COL24A1: variants seen among roughly 807,000 people sequenced by gnomAD.
COL24A1 encodes collagen alpha-1(XXIV) chain.
COL24A1 carries 224 observed loss-of-function variants against 253.9 expected under a neutral mutation model. That is an observed-to-expected ratio of 0.88 (90% CI 0.79 to 0.99). The LOEUF is 0.99. Ranked by LOEUF, COL24A1 falls within the 50% of genes least tolerant of loss-of-function variation. COL24A1 has a pLI of 0.00. For synonymous variants in COL24A1, 685 were observed against 673.7 expected, an observed-to-expected ratio of 1.02 and a Z score of -0.26; for missense variants, 2,131 against 2,068.5, an observed-to-expected ratio of 1.03 and a Z score of -0.59.
intron 47 of COL24A1, among the ~76,000 whole-genome samples, chr1:85,807,813 T>A (rs1275610767): frequency 3.3e-5 from 5 of 152,210 alleles, no homozygotes; most frequent in African/African-American, 1.2e-4. Context: ...GGTCATTTAC[T>A]AGGTGACTGA....
intron 25 of COL24A1, among the ~76,000 whole-genome samples, chr1:85,910,559 A>C (rs528779471): frequency 6.6e-6 from 1 of 152,106 alleles, no homozygotes; most frequent in South Asian, 2.1e-4. Flanking sequence ...AGTACAGAAG[A>C]TTTAACTCAG....
chr1:85,777,085 G>C (rs1668621702), intron 52 of COL24A1, among the ~76,000 whole-genome samples: 1 of 151,882 alleles, frequency 6.6e-6, no homozygotes, highest in South Asian at 2.1e-4. Context: ...GAGTAGCTGG[G>C]ACTACAGGAG....
intron 32 of COL24A1, among the ~76,000 whole-genome samples, chr1:85,879,504 A>G (rs1681580616): frequency 6.6e-6 from 1 of 152,160 alleles, no homozygotes; most frequent in South Asian, 2.1e-4. Context: ...CGACACTTAA[A>G]ACAACATAAG....
intron 32 of COL24A1, among the ~76,000 whole-genome samples, chr1:85,878,162 C>T (rs1443378953): frequency 6.6e-6 from 1 of 152,100 alleles, no homozygotes; most frequent in Non-Finnish European, 1.5e-5. Context: ...GATTCTATAA[C>T]AAAATAGTAT....
rs1301399227 is a variant in COL24A1, at chr1:86,156,352, G to C, written c.45C>G (p.Pro15=). The change falls in exon 1 of 60, where the codon CCC becomes CCG. Residue 15 remains proline (P), a synonymous_variant. Coordinates refer to ENST00000370571, the MANE Select transcript of COL24A1 (RefSeq NM_152890.7). ...AHRTRRGKVS[P]TAKTKSLLHF... ...GGTGGGCTACTTACGTTTTTGCCGT[G>C]GGGGAGACTTTTCCACGCCTTGTTC... 6.2e-7 allele frequency: 1 copy of C among 1,612,552 alleles called. No individual in the cohort carries two copies. The highest frequency in any genetic ancestry group is 2.2e-5 in the East Asian group (1 of 44,806).
At position 85,745,508 on chromosome 1, in the gene COL24A1, T is replaced by G; in HGVS notation, c.4438-2A>C. On this transcript the variant is annotated splice_acceptor_variant, in intron 55 of 59. Transcript: ENST00000370571. LOFTEE classifies it high-confidence loss of function. ...AGCAGCATTGATATCCATTTGCTTC[T>G]GTGTAAAACAAAACCATTTGAGATT... 6.2e-7 allele frequency: 1 copy of G among 1,608,208 alleles called. No individual in the cohort carries two copies. Among genetic ancestry groups the G allele is most frequent in the Non-Finnish European group, 8.5e-7 (1 of 1,177,646 alleles).
At chr1:85,896,095 G>C in intron 29 of COL24A1, 30 bp from the exon 30 acceptor site, 1 of 1,604,588 alleles carries the variant, frequency 6.2e-7, no homozygotes, top group Non-Finnish European at 8.5e-7. Context: ...AGGTGAGTTA[G>C]TAAGAATGTG....
intron 18 of COL24A1, 84 bp from the exon 19 acceptor site, chr1:86,017,288 T>A: frequency 8.7e-7 from 1 of 1,144,394 alleles, no homozygotes; most frequent in Non-Finnish European, 1.2e-6. Flanking sequence ...GGTAAACAAA[T>A]AGCAGTCAGT....
In COL24A1 at chr1:86,022,607, T is replaced by G; in HGVS notation, c.2149-16A>C. On this transcript the variant is annotated splice_polypyrimidine_tract_variant and intron_variant, in intron 16 of 59. Coordinates refer to ENST00000370571, the MANE Select transcript of COL24A1 (RefSeq NM_152890.7). ...CTTGTTCACCCTGGAAAGCACAATTTCATGCAAAGATACTTATGTATCACA... is the reference window on the plus strand; with the variant it reads ...CTTGTTCACCCTGGAAAGCACAATTGCATGCAAAGATACTTATGTATCACA... 1 of 1,609,014 alleles carries G rather than the reference T, an allele frequency of 6.2e-7. No homozygotes were observed. Among genetic ancestry groups the G allele is most frequent in the Non-Finnish European group, 8.5e-7 (1 of 1,177,950 alleles).
chr1:85,771,778 T>TTTTATTTA (rs200015208), intron 53 of COL24A1, among the ~76,000 whole-genome samples: 32,815 of 146,386 alleles, frequency 0.22, 3,927 homozygotes, highest in Admixed American at 0.27. Context: ...TGCCTGACTT[T>TTTTATTTA]TTTATTTATT....
chr1:85,924,508 G>T (rs1299179041), intron 24 of COL24A1, among the ~76,000 whole-genome samples: 3 of 152,140 alleles, frequency 2.0e-5, no homozygotes, highest in Non-Finnish European at 4.4e-5. Flanking sequence ...ATGCAAGGCT[G>T]GTTCAACATA....
At chr1:85,763,562 G>C (rs1295724443) in intron 53 of COL24A1, among the ~76,000 whole-genome samples, 1 of 148,952 alleles carries the variant, frequency 6.7e-6, no homozygotes, top group African/African-American at 2.5e-5. Context: ...TGCGATCTCG[G>C]CTCACTGCAA....
chr1:85,921,884 T>C (rs886591845), intron 24 of COL24A1, among the ~76,000 whole-genome samples: 3 of 152,154 alleles, frequency 2.0e-5, no homozygotes, highest in Non-Finnish European at 4.4e-5. Flanking sequence ...TAAAGGAGGA[T>C]GTTGGAACTC....
intron 4 of COL24A1, among the ~76,000 whole-genome samples, chr1:86,114,505 G>A (rs1486082541): frequency 6.6e-6 from 1 of 152,084 alleles, no homozygotes; most frequent in Admixed American, 6.5e-5. Flanking sequence ...AACGAGCAAG[G>A]TTTAGAAGGG....
intron 19 of COL24A1, among the ~76,000 whole-genome samples, chr1:86,015,939 C>T (rs553893883): frequency 6.7e-6 from 1 of 148,516 alleles, no homozygotes; most frequent in East Asian, 2.0e-4. Flanking sequence ...GGCTGAAGTG[C>T]AGTGGTGCCA....
intron 13 of COL24A1, 103 bp downstream of exon 13, chr1:86,033,767 C>T: frequency 9.3e-7 from 1 of 1,076,882 alleles, no homozygotes; most frequent in South Asian, 1.6e-5. Context: ...ATTGTTTTTC[C>T]AATAGTGTTT....
At chr1:85,973,838 T>C (rs1692408310) in intron 20 of COL24A1, among the ~76,000 whole-genome samples, 1 of 152,066 alleles carries the variant, frequency 6.6e-6, no homozygotes, top group African/African-American at 2.4e-5. Flanking sequence ...AAAATAAAAG[T>C]TGGGTTAAGA....
At chr1:85,792,416 G>A (rs907482184) in intron 47 of COL24A1, among the ~76,000 whole-genome samples, 5 of 151,444 alleles carry the variant, frequency 3.3e-5, no homozygotes, top group African/African-American at 1.2e-4. Flanking sequence ...ACCAGGTGTG[G>A]TGGCTCATCC....
intron 1 of COL24A1, among the ~76,000 whole-genome samples, chr1:86,153,148 G>A (rs1464336243): frequency 6.6e-6 from 1 of 152,030 alleles, no homozygotes; most frequent in Non-Finnish European, 1.5e-5. Context: ...TTTTCAGTAA[G>A]GTCTCAGTCT....
Sources: allele counts gnomAD v4.1 joint callset (sites outside exome capture counted in the v4.1 genomes callset), GRCh38; gene constraint gnomAD v4.1.1; transcripts MANE v1.5; gene names NCBI Gene and HGNC (gene_info 2026-07-23, HGNC 2026-07-21).